Variants in CTNND2 observed in about 807,000 individuals in gnomAD.
CTNND2 encodes catenin delta-2.
Under a neutral mutation model 144.4 loss-of-function variants are expected in CTNND2, and 22 were observed. That is an observed-to-expected ratio of 0.15 (90% CI 0.11 to 0.22). The LOEUF is 0.22. Ranked by LOEUF, CTNND2 falls within the 10% of genes least tolerant of loss-of-function variation. The pLI is 1.00. For missense variants in CTNND2, 1,353 were observed against 1,618.8 expected (o/e 0.84, Z 2.82); for synonymous variants, 751 against 695.6 (o/e 1.08, Z -1.25).
At chr5:11,581,346 C>A (rs1425467761) in intron 2 of CTNND2, among the ~76,000 whole-genome samples, 2 of 152,102 alleles carry the variant, frequency 1.3e-5, no homozygotes, top group Non-Finnish European at 2.9e-5. Context: ...CCTGTGTAAC[C>A]TGCAAATTCT....
At chr5:11,851,347 GC>G (rs576300409) in intron 1 of CTNND2, among the ~76,000 whole-genome samples, 21 of 152,170 alleles carry the variant, frequency 1.4e-4, no homozygotes, top group African/African-American at 4.1e-4. Flanking sequence ...ACATTTAAAT[GC>G]CCCCAAAAAG....
intron 3 of CTNND2, among the ~76,000 whole-genome samples, chr5:11,540,737 T>C (rs57911277): frequency 6.6e-6 from 1 of 152,292 alleles, no homozygotes; most frequent in Non-Finnish European, 1.5e-5. Flanking sequence ...TTCGAACTCC[T>C]GACCTCAGGT....
intron 15 of CTNND2, among the ~76,000 whole-genome samples, chr5:11,085,354 A>T (rs1260792594): frequency 6.6e-6 from 1 of 152,216 alleles, no homozygotes; most frequent in African/African-American, 2.4e-5. Context: ...AAGGTTAGTT[A>T]TGTGTATGTT....
intron 1 of CTNND2, among the ~76,000 whole-genome samples, chr5:11,796,588 CT>C (rs1427032193): frequency 9.9e-6 from 1 of 100,986 alleles, no homozygotes; most frequent in Non-Finnish European, 2.3e-5. Flanking sequence ...TATAGCTTTC[CT>C]TCAAGGGCAT....
At chr5:11,549,581 G>C (rs549248025) in intron 3 of CTNND2, among the ~76,000 whole-genome samples, 1 of 152,002 alleles carries the variant, frequency 6.6e-6, no homozygotes, top group East Asian at 1.9e-4. Flanking sequence ...AACAATTCCA[G>C]TGTTTGGGTA....
chr5:11,568,177 G>A (rs1777273055), intron 2 of CTNND2, among the ~76,000 whole-genome samples: 1 of 152,138 alleles, frequency 6.6e-6, no homozygotes, highest in Non-Finnish European at 1.5e-5. Context: ...CATCCTTTCA[G>A]ATGGTTCTTT....
intron 3 of CTNND2, among the ~76,000 whole-genome samples, chr5:11,524,024 C>T (rs933526368): frequency 1.3e-5 from 2 of 152,212 alleles, no homozygotes. Context: ...TCATCATGGG[C>T]AGAAATGCTT....
chr5:11,451,555 T>C (rs1765318122), intron 3 of CTNND2, among the ~76,000 whole-genome samples: 1 of 152,210 alleles, frequency 6.6e-6, no homozygotes, highest in Admixed American at 6.5e-5. Context: ...TTTGCAATGC[T>C]CCACTGGTAA....
intron 16 of CTNND2, among the ~76,000 whole-genome samples, chr5:11,077,659 A>G (rs1026159800): frequency 2.6e-4 from 40 of 152,306 alleles, no homozygotes; most frequent in African/African-American, 9.1e-4. Context: ...TAAGGTTTCA[A>G]CAGGATAACT....
intron 2 of CTNND2, among the ~76,000 whole-genome samples, chr5:11,665,802 T>C (rs1251779667): frequency 5.3e-5 from 8 of 152,176 alleles, no homozygotes; most frequent in Admixed American, 5.2e-4. Context: ...TCTCACATTG[T>C]TTAAACACAT....
chr5:11,075,221 G>T (rs61376172), intron 16 of CTNND2, among the ~76,000 whole-genome samples: 28,806 of 152,104 alleles, frequency 0.19, 3,323 homozygotes, highest in Middle Eastern at 0.29. Flanking sequence ...CTAGGAAATG[G>T]CCCTATTCTG....
Position 11,483,779 on chromosome 5 carries a change from C to T in CTNND2, c.288-71710G>A, listed in dbSNP as rs1207031709. 7.9e-5 allele frequency among the ~76,000 whole-genome samples: 12 copies of T among 152,188 alleles called. No individual in the cohort carries two copies. The South Asian group carries it at 2.5e-3, about 32-fold the overall frequency. ...TCTGGTACAGAAAATGCAATGTGCT[C>T]AACAAAGTTTAAAGGAAACTGAACT... On this transcript the variant is annotated intron_variant, in intron 3 of 21. Coordinates refer to ENST00000304623, the MANE Select transcript of CTNND2 (RefSeq NM_001332.4).
At chr5:11,351,805 C>T (rs561436002) in intron 8 of CTNND2, among the ~76,000 whole-genome samples, 1 of 152,180 alleles carries the variant, frequency 6.6e-6, no homozygotes, top group South Asian at 2.1e-4. Flanking sequence ...ACATTAAGCA[C>T]ATTTACATGT....
intron 1 of CTNND2, among the ~76,000 whole-genome samples, chr5:11,868,558 C>T (rs1408561097): frequency 1.3e-5 from 2 of 152,128 alleles, no homozygotes; most frequent in East Asian, 3.9e-4. Flanking sequence ...AAGAAGATTG[C>T]TATCGTTTCA....
intron 1 of CTNND2, among the ~76,000 whole-genome samples, chr5:11,865,902 C>CAAAAAA (rs56310600): frequency 0.27 from 23,524 of 86,898 alleles, 3,916 homozygotes; most frequent in South Asian, 0.48. Flanking sequence ...CTGGAAGAGA[C>CAAAAAA]AAAAAAAAAA....
intron 2 of CTNND2, 101 bp downstream of exon 2, chr5:11,732,029 CATGAGT>C (rs1787414200): frequency 2.0e-6 from 2 of 1,011,400 alleles, no homozygotes; most frequent in African/African-American, 3.2e-5. Flanking sequence ...CACTCTGCTA[CATGAGT>C]ATGAGTTTCT....
intron 16 of CTNND2, among the ~76,000 whole-genome samples, chr5:11,064,865 A>G (rs1747385048): frequency 6.6e-6 from 1 of 152,242 alleles, no homozygotes; most frequent in African/African-American, 2.4e-5. Context: ...TTATCTAATT[A>G]GACTAACTGG....
chr5:11,263,040 C>T (rs1745075045), intron 9 of CTNND2, among the ~76,000 whole-genome samples: 1 of 152,142 alleles, frequency 6.6e-6, no homozygotes, highest in Admixed American at 6.5e-5. Flanking sequence ...AAACTTGATG[C>T]CCACATAAGT....
At chr5:11,329,862 A>G (rs1300069560) in intron 9 of CTNND2, among the ~76,000 whole-genome samples, 1 of 152,160 alleles carries the variant, frequency 6.6e-6, no homozygotes, top group African/African-American at 2.4e-5. Context: ...CTGTTTTTCA[A>G]TGAGACTCGT....
Sources: allele counts gnomAD v4.1 joint callset (sites outside exome capture counted in the v4.1 genomes callset), GRCh38; gene constraint gnomAD v4.1.1; transcripts MANE v1.5; gene names NCBI Gene and HGNC (gene_info 2026-07-23, HGNC 2026-07-21).